The following KCTD16 variants were observed in gnomAD, a reference collection of about 807,000 sequenced individuals.
KCTD16 encodes the protein BTB/POZ domain-containing protein KCTD16.
Under a neutral mutation model 33.2 loss-of-function variants are expected in KCTD16, and 13 were observed. The ratio of observed to expected loss-of-function variants is 0.39; its 90% CI spans 0.25 to 0.62. The LOEUF is 0.62. KCTD16 is among the 20% of genes least tolerant of loss of function. The pLI, the probability that KCTD16 is intolerant of heterozygous loss-of-function variation, is 0.50. For missense variants in KCTD16, 441 were observed against 525.1 expected (o/e 0.84, Z 1.57); for synonymous variants, 197 against 195.3 (o/e 1.01, Z -0.07).
chr5:144,381,363 C>G (rs988191784), intron 3 of KCTD16, among the ~76,000 whole-genome samples: 1 of 152,156 alleles, frequency 6.6e-6, no homozygotes, highest in African/African-American at 2.4e-5. Flanking sequence ...TAAATTAGTT[C>G]AGCCACTGCA....
intron 3 of KCTD16, among the ~76,000 whole-genome samples, chr5:144,406,533 T>C (rs1752811841): frequency 6.6e-6 from 1 of 152,240 alleles, no homozygotes; most frequent in Non-Finnish European, 1.5e-5. Flanking sequence ...TCTCTACTAG[T>C]TGTCAAAAGG....
intron 3 of KCTD16, among the ~76,000 whole-genome samples, chr5:144,463,603 T>C (rs1297319030): frequency 6.6e-6 from 1 of 152,200 alleles, no homozygotes; most frequent in Non-Finnish European, 1.5e-5. Context: ...TCTGAACCAC[T>C]TACTGGGCTT....
intron 3 of KCTD16, among the ~76,000 whole-genome samples, chr5:144,251,713 T>C (rs2126831420): frequency 6.6e-6 from 1 of 152,290 alleles, no homozygotes. Flanking sequence ...CTATGCAAAG[T>C]GGAAGGTTCA....
At chr5:144,203,461 A>G (rs952279422) in intron 2 of KCTD16, among the ~76,000 whole-genome samples, 1 of 152,216 alleles carries the variant, frequency 6.6e-6, no homozygotes, top group Non-Finnish European at 1.5e-5. Context: ...TCAGTGGTCT[A>G]AAGCCCATCC....
chr5:144,213,012 T>A (rs1753446211), intron 3 of KCTD16, among the ~76,000 whole-genome samples: 1 of 152,124 alleles, frequency 6.6e-6, no homozygotes, highest in East Asian at 1.9e-4. Context: ...TGGTATATAT[T>A]TCTAAAATAT....
intron 3 of KCTD16, among the ~76,000 whole-genome samples, chr5:144,387,986 T>G (rs180900839): frequency 6.6e-5 from 10 of 152,046 alleles, no homozygotes; most frequent in Admixed American, 5.2e-4. Flanking sequence ...TTTTTCACTT[T>G]TTAAGGGTCA....
intron 3 of KCTD16, among the ~76,000 whole-genome samples, chr5:144,472,987 A>G (rs1384228878): frequency 6.6e-6 from 1 of 152,230 alleles, no homozygotes; most frequent in African/African-American, 2.4e-5. Context: ...AACTCTGGCA[A>G]GTTTCTCAAA....
chr5:144,394,014 G>T (rs1580928066), intron 3 of KCTD16, among the ~76,000 whole-genome samples: 1 of 143,110 alleles, frequency 7.0e-6, no homozygotes, highest in Non-Finnish European at 1.5e-5. Context: ...TTTGCACATG[G>T]TCGGGAACCC....
intron 3 of KCTD16, among the ~76,000 whole-genome samples, chr5:144,460,369 C>A (rs80199113): frequency 6.6e-6 from 1 of 152,172 alleles, no homozygotes; most frequent in Non-Finnish European, 1.5e-5. Flanking sequence ...CTATTAACTG[C>A]AATCTTCTCA....
chr5:144,182,762 AAGAG>A (rs543870540), intron 2 of KCTD16, among the ~76,000 whole-genome samples: 17 of 149,518 alleles, frequency 1.1e-4, no homozygotes, highest in South Asian at 8.5e-4. Flanking sequence ...GAGAGAGAGA[AAGAG>A]AGAGAGAGAG....
intron 3 of KCTD16, among the ~76,000 whole-genome samples, chr5:144,281,583 C>CT (rs1218683364): frequency 1.3e-5 from 2 of 151,848 alleles, no homozygotes; most frequent in Non-Finnish European, 2.9e-5. Flanking sequence ...AGTTAAAATG[C>CT]TTTGAAGTTT....
chr5:144,205,561 AC>A (rs2126788424), intron 2 of KCTD16: 2 of 398,762 alleles, frequency 5.0e-6, no homozygotes, highest in South Asian at 2.5e-4. Flanking sequence ...TGGGGTGGCT[AC>A]CTGGGACCCT....
At chr5:144,340,609 G>A (rs1008041060) in intron 3 of KCTD16, among the ~76,000 whole-genome samples, 1 of 152,040 alleles carries the variant, frequency 6.6e-6, no homozygotes, top group African/African-American at 2.4e-5. Flanking sequence ...AGGAGGTAGG[G>A]TCTTTGGGGG....
At position 144,473,852 on chromosome 5, in the gene KCTD16, T is replaced by C; in HGVS notation, c.1025T>C (p.Leu342Pro). ...PVTRQTNIQT[L>P]DRPIKKGPVQ... ...ACACGCCAGACCAACATCCAGACTC[T>C]GGACCGTCCCATCAAGAAGGGCCCT... Residue 342 changes from leucine (L) to proline (P), a missense_variant, in exon 4 of 4, where the codon CTG becomes CCG. Leu to Pro is a moderately conservative substitution (Grantham distance 98). Coordinates refer to ENST00000512467, the MANE Select transcript of KCTD16 (RefSeq NM_020768.4). 1 of 1,614,096 alleles carries C rather than the reference T, an allele frequency of 6.2e-7. No homozygotes were observed. Among genetic ancestry groups the C allele is most frequent in the Non-Finnish European group, 8.5e-7 (1 of 1,180,004 alleles).
At position 144,209,910 on chromosome 5, in the gene KCTD16, A is replaced by ATG. The variant is rs755363290; in HGVS notation, c.832+2365_832+2366insGT. 2.0e-5 allele frequency among the ~76,000 whole-genome samples: 3 copies of ATG among 146,486 alleles called. No individual in the cohort carries two copies. In the East Asian group the frequency reaches 5.9e-4, roughly 29 times the overall value. The stretch of plus-strand genomic sequence containing the variant: ...TATATATGTGTGTGTATATATATGT[A>ATG]TATATATATATATACAAGCTCCTTA... On this transcript the variant is annotated intron_variant, in intron 3 of 3. Coordinates refer to ENST00000512467, the MANE Select transcript of KCTD16 (RefSeq NM_020768.4).
At chr5:144,317,894 G>T (rs531291505) in intron 3 of KCTD16, among the ~76,000 whole-genome samples, 16 of 152,316 alleles carry the variant, frequency 1.1e-4, no homozygotes, top group African/African-American at 3.4e-4. Flanking sequence ...GTGAAATCCA[G>T]GAGTGCAGAG....
Position 144,476,542 on chromosome 5 carries a change from C to T in KCTD16, c.*2428C>T, listed in dbSNP as rs776581219. ...GCTGGAATAGAAAACCTGTTTAAAA[C>T]CATCACAACAGCAATATTTTTATTC... On this transcript the variant is annotated 3_prime_UTR_variant, in exon 4 of 4. Coordinates refer to ENST00000512467, the MANE Select transcript of KCTD16 (RefSeq NM_020768.4). 1 of 152,164 alleles carries T rather than the reference C, an allele frequency of 6.6e-6. No homozygotes were observed. Among genetic ancestry groups the T allele is most frequent in the African/African-American group, 2.4e-5 (1 of 41,436 alleles). The allele number at this position is 152,164 out of a possible 1,614,324, so 9.4% of individuals were successfully genotyped here.
At chr5:144,380,280 C>A (rs1164866616) in intron 3 of KCTD16, among the ~76,000 whole-genome samples, 1 of 152,046 alleles carries the variant, frequency 6.6e-6, no homozygotes, top group Non-Finnish European at 1.5e-5. Flanking sequence ...ATACAGCTTA[C>A]CAAGGAGGTA....
In KCTD16 at chr5:144,476,353, T is replaced by A. The variant is rs1754594265; in HGVS notation, c.*2239T>A. On this transcript the variant is annotated 3_prime_UTR_variant, in exon 4 of 4. Transcript: ENST00000512467. ...GCCTCAAGATAGAGAGATACCCTTA[T>A]AAGAGTAAAGAATTAAGATGATAGT... 6.6e-6 allele frequency: 1 copy of A among 152,184 alleles called. No homozygotes were observed. Among genetic ancestry groups the A allele is most frequent in the South Asian group, 2.1e-4 (1 of 4,832 alleles). The allele number at this position is 152,184 out of a possible 1,614,324, so 9.4% of individuals were successfully genotyped here. A position where few individuals can be genotyped will look rare whatever the true frequency, so the allele number is the denominator to read the frequency against.
Sources: allele counts gnomAD v4.1 joint callset (sites outside exome capture counted in the v4.1 genomes callset), GRCh38; gene constraint gnomAD v4.1.1; transcripts MANE v1.5; gene names NCBI Gene and HGNC (gene_info 2026-07-23, HGNC 2026-07-21).